The following ADAM12 variants were observed in gnomAD, a reference collection of about 807,000 sequenced individuals.
The protein encoded by ADAM12 is ADAM metallopeptidase domain 12.
A neutral mutation model predicts 106.4 loss-of-function variants in ADAM12; 70 were observed. The ratio of observed to expected loss-of-function variants is 0.66; its 90% CI spans 0.54 to 0.80. The LOEUF is 0.80. Among genes scored for constraint, ADAM12 ranks in the 30% least tolerant of loss-of-function variants. The pLI, the probability that ADAM12 is intolerant of heterozygous loss-of-function variation, is 0.00. For missense variants in ADAM12, 1,010 were observed against 1,171.9 expected (o/e 0.86, Z 2.02); for synonymous variants, 420 against 433.5 (o/e 0.97, Z 0.39).
intron 3 of ADAM12, among the ~76,000 whole-genome samples, chr10:126,248,677 G>GTATT (rs1958679793): frequency 1.9e-4 from 6 of 31,642 alleles, no homozygotes; most frequent in African/African-American, 1.2e-3. Context: ...ATGTATGTAT[G>GTATT]TATGTATGTA....
At chr10:126,306,003 G>A (rs530085101) in intron 2 of ADAM12, among the ~76,000 whole-genome samples, 1 of 151,986 alleles carries the variant, frequency 6.6e-6, no homozygotes, top group East Asian at 1.9e-4. Flanking sequence ...CATTTAAAGT[G>A]TATCTCTTGT....
intron 14 of ADAM12, among the ~76,000 whole-genome samples, chr10:126,056,112 T>C (rs1393882307): frequency 6.6e-6 from 1 of 152,210 alleles, no homozygotes; most frequent in Admixed American, 6.5e-5. Flanking sequence ...GCTTGAACGA[T>C]GCGAGGTTCT....
In ADAM12 at chr10:126,348,175, T is replaced by C. The variant is rs530717648; in HGVS notation, c.89-17666A>G. Among the ~76,000 whole-genome samples the C allele has an allele frequency of 2.0e-3, 302 of 152,340 alleles. 1 individual carries two copies. Among genetic ancestry groups the C allele is most frequent in the Middle Eastern group, 3.4e-3 (1 of 294 alleles). Reference sequence around the variant, plus strand: ...AAAAGAAACCTCTTCTGAATGTCAGTAGCCTGGAGGCTCCTCCCTGGGTGT... The same window carrying C: ...AAAAGAAACCTCTTCTGAATGTCAGCAGCCTGGAGGCTCCTCCCTGGGTGT... On this transcript the variant is annotated intron_variant, in intron 1 of 22. Transcript: ENST00000448723.
chr10:126,017,222 G>A lies in ADAM12; in HGVS notation c.*57C>T, dbSNP rs1953676022. The A allele has an allele frequency of 6.9e-7, 1 of 1,451,090 alleles. No individual in the cohort carries two copies. The highest frequency in any genetic ancestry group is 9.3e-7 in the Non-Finnish European group (1 of 1,072,122). The allele number at this position is 1,451,090 out of a possible 1,614,324, so 89.9% of individuals were successfully genotyped here. On this transcript the variant is annotated 3_prime_UTR_variant, in exon 23 of 23. Transcript: ENST00000448723. ...AAAGTTGGTACAAAAAACTCCAACT[G>A]GAGCTGAAAGATAGTGCAAACTTCT...
intron 16 of ADAM12, 42 bp from the exon 17 acceptor site, chr10:126,046,174 C>T (rs764278122): frequency 1.8e-5 from 29 of 1,567,724 alleles, no homozygotes; most frequent in Non-Finnish European, 2.5e-5. Flanking sequence ...TAGTATTTCT[C>T]CAACCCCTCC....
intron 11 of ADAM12, among the ~76,000 whole-genome samples, chr10:126,075,430 G>T (rs1955080685): frequency 6.6e-6 from 1 of 152,166 alleles, no homozygotes; most frequent in African/African-American, 2.4e-5. Context: ...AGGCTTTGGG[G>T]ATATGGGAAT....
intron 3 of ADAM12, among the ~76,000 whole-genome samples, chr10:126,237,156 AT>A (rs1958434881): frequency 1.3e-5 from 2 of 152,040 alleles, no homozygotes; most frequent in Non-Finnish European, 2.9e-5. Context: ...TAATTCAGAT[AT>A]TTTCTTTAAA....
rs111405803 is a variant in ADAM12 at position 126,283,432 on chromosome 10, G to A, written c.187-4444C>T. Reference sequence around the variant, plus strand: ...TCCAAAGTACAAATGGGTTATAAATGTTTCTCTCATTCCATAGTCTCATGA... The same window carrying A: ...TCCAAAGTACAAATGGGTTATAAATATTTCTCTCATTCCATAGTCTCATGA... On this transcript the variant is annotated intron_variant, in intron 2 of 22. Transcript: ENST00000448723. Among the ~76,000 whole-genome samples, 883 of 152,250 alleles carry A rather than the reference G, an allele frequency of 5.8e-3. 9 individuals carry two copies. The highest frequency in any genetic ancestry group is 0.02 in the African/African-American group (832 of 41,518).
chr10:126,020,710 G>A (rs1335139005), intron 21 of ADAM12, among the ~76,000 whole-genome samples: 1 of 152,116 alleles, frequency 6.6e-6, no homozygotes. Context: ...AAGAAAAACG[G>A]CGGGGCGTGG....
intron 3 of ADAM12, among the ~76,000 whole-genome samples, chr10:126,274,242 C>A (rs1343774772): frequency 6.6e-6 from 1 of 152,174 alleles, no homozygotes; most frequent in Non-Finnish European, 1.5e-5. Flanking sequence ...AATGAAGTGG[C>A]AGGTGGCTCT....
At chr10:126,132,524 ACCC>A (rs35812837) in intron 5 of ADAM12, among the ~76,000 whole-genome samples, 4 of 120,896 alleles carry the variant, frequency 3.3e-5, no homozygotes, top group South Asian at 3.5e-4. Context: ...CTGCATGAAC[ACCC>A]CCCCCCCCTC....
chr10:126,295,550 C>CACACACACACACACAT (rs1960334399), intron 2 of ADAM12, among the ~76,000 whole-genome samples: 1 of 144,040 alleles, frequency 6.9e-6, no homozygotes, highest in Non-Finnish European at 1.5e-5. Context: ...CACACACATA[C>CACACACACACACACAT]ACACACACAC....
At chr10:126,017,754 C>G (rs1401936107) in intron 22 of ADAM12, among the ~76,000 whole-genome samples, 1 of 152,148 alleles carries the variant, frequency 6.6e-6, no homozygotes, top group African/African-American at 2.4e-5. Flanking sequence ...TTACCAGGCG[C>G]AACATGCCTA....
intron 1 of ADAM12, among the ~76,000 whole-genome samples, chr10:126,355,605 C>A (rs1855512510): frequency 6.6e-6 from 1 of 152,210 alleles, no homozygotes; most frequent in Non-Finnish European, 1.5e-5. Flanking sequence ...CATGGTGCCA[C>A]ACAGAGAGGA....
chr10:126,309,006 C>T (rs567122763), intron 2 of ADAM12, among the ~76,000 whole-genome samples: 2 of 152,326 alleles, frequency 1.3e-5, no homozygotes, highest in South Asian at 4.1e-4. Context: ...CCTCTTATAT[C>T]ATCCCAGAAC....
At chr10:126,325,788 C>T (rs533074439) in intron 2 of ADAM12, among the ~76,000 whole-genome samples, 2 of 152,264 alleles carry the variant, frequency 1.3e-5, no homozygotes, top group African/African-American at 4.8e-5. Context: ...ACACTGTAAA[C>T]TTTCAGTGTC....
intron 3 of ADAM12, among the ~76,000 whole-genome samples, chr10:126,225,932 C>A (rs545203824): frequency 3.9e-5 from 6 of 152,114 alleles, no homozygotes; most frequent in Non-Finnish European, 7.3e-5. Flanking sequence ...CGAAGCCTTT[C>A]GCAGCTTTAA....
intron 11 of ADAM12, among the ~76,000 whole-genome samples, chr10:126,080,194 A>G (rs1187948013): frequency 6.6e-6 from 1 of 152,130 alleles, no homozygotes; most frequent in Non-Finnish European, 1.5e-5. Flanking sequence ...CTTATTTAAC[A>G]GCTTTATTCC....
intron 3 of ADAM12, among the ~76,000 whole-genome samples, chr10:126,259,732 G>T (rs1228036949): frequency 6.6e-6 from 1 of 152,114 alleles, no homozygotes; most frequent in Non-Finnish European, 1.5e-5. Context: ...CACTCTCTGA[G>T]AACTAAACCG....
Sources: allele counts gnomAD v4.1 joint callset (sites outside exome capture counted in the v4.1 genomes callset), GRCh38; gene constraint gnomAD v4.1.1; transcripts MANE v1.5; gene names NCBI Gene and HGNC (gene_info 2026-07-23, HGNC 2026-07-21).